ASAP2: variants seen among roughly 807,000 people sequenced by gnomAD.
ASAP2 encodes the protein ArfGAP with SH3 domain, ankyrin repeat and PH domain 2.
Under a neutral mutation model 131.4 loss-of-function variants are expected in ASAP2, and 45 were observed. That is an observed-to-expected ratio of 0.34 (90% confidence interval 0.27 to 0.44). The LOEUF (loss-of-function observed/expected upper bound fraction) is 0.44. Among genes scored for constraint, ASAP2 ranks in the 20% least tolerant of loss-of-function variants. The probability of loss-of-function intolerance (pLI) is 1.00; values close to 1 mark genes in which losing one functional copy is unlikely to be tolerated. For missense variants in ASAP2, 1,011 were observed against 1,297.0 expected (o/e 0.78, Z 3.39); for synonymous variants, 510 against 503.0 (o/e 1.01, Z -0.19).
intron 6 of ASAP2, among the ~76,000 whole-genome samples, chr2:9,327,535 A>G (rs1034281983): frequency 6.6e-6 from 1 of 152,182 alleles, no homozygotes; most frequent in African/African-American, 2.4e-5. Context: ...AACCATCCAT[A>G]GTCTTCCATG....
chr2:9,400,701 A>T, intron 25 of ASAP2, 41 bp from the exon 26 acceptor site: 1 of 1,534,436 alleles, frequency 6.5e-7, no homozygotes, highest in South Asian at 1.1e-5. Flanking sequence ...CATGGCTGTG[A>T]TTGATGGGAT....
chr2:9,228,479 T>TA (rs558877735), intron 1 of ASAP2, among the ~76,000 whole-genome samples: 2 of 152,204 alleles, frequency 1.3e-5, no homozygotes, highest in Non-Finnish European at 2.9e-5. Context: ...TATTTGGTCT[T>TA]TGGTCTCTTT....
rs558365417 is a variant in ASAP2 at position 9,243,397 on chromosome 2, C to T, written c.127-35920C>T. On this transcript the variant is annotated intron_variant, in intron 1 of 27. Transcript: ENST00000281419. ...TGCTGGGATTACAGGCATGAGCCACCGTGCCCGGCCTAAAGATTTTTTTTA... is the reference window on the plus strand; with the variant it reads ...TGCTGGGATTACAGGCATGAGCCACTGTGCCCGGCCTAAAGATTTTTTTTA... Among the ~76,000 whole-genome samples the T allele has an allele frequency of 5.3e-5, 8 of 152,282 alleles. No homozygotes were observed. The South Asian group carries it at 1.0e-3, about 20-fold the overall frequency.
chr2:9,391,814 A>C (rs1205216220), intron 23 of ASAP2, among the ~76,000 whole-genome samples: 1 of 148,774 alleles, frequency 6.7e-6, no homozygotes, highest in African/African-American at 2.5e-5. Context: ...CGAACTCCTG[A>C]CCTCAGGTGA....
At chr2:9,240,665 ACC>A (rs1663898600) in intron 1 of ASAP2, among the ~76,000 whole-genome samples, 1 of 152,024 alleles carries the variant, frequency 6.6e-6, no homozygotes, top group South Asian at 2.1e-4. Flanking sequence ...TTTCTTCTTT[ACC>A]ATTTCATGAA....
At chr2:9,304,496 G>C (rs1450462387) in intron 3 of ASAP2, among the ~76,000 whole-genome samples, 1 of 138,952 alleles carries the variant, frequency 7.2e-6, no homozygotes, top group East Asian at 2.2e-4. Flanking sequence ...TGTAGGGGGG[G>C]TGTAGATACA....
chr2:9,327,276 G>A (rs1354966421), intron 6 of ASAP2, among the ~76,000 whole-genome samples: 1 of 152,150 alleles, frequency 6.6e-6, no homozygotes, highest in Non-Finnish European at 1.5e-5. Flanking sequence ...TGGTTTTGTA[G>A]CTCCCTGAGG....
At chr2:9,273,685 C>T (rs948543355) in intron 1 of ASAP2, among the ~76,000 whole-genome samples, 1 of 152,014 alleles carries the variant, frequency 6.6e-6, no homozygotes, top group African/African-American at 2.4e-5. Context: ...TCAAAACTGT[C>T]GTTTTGTGTT....
intron 6 of ASAP2, among the ~76,000 whole-genome samples, 160 bp from the exon 7 acceptor site, chr2:9,327,666 A>G (rs2148530764): frequency 6.6e-6 from 1 of 152,312 alleles, no homozygotes; most frequent in African/African-American, 2.4e-5. Flanking sequence ...CAAAATAAAG[A>G]AACGGTTACG....
At chr2:9,378,263 C>T (rs1341658821) in intron 18 of ASAP2, among the ~76,000 whole-genome samples, 6 of 152,132 alleles carry the variant, frequency 3.9e-5, no homozygotes, top group Non-Finnish European at 7.4e-5. Context: ...TGACAGTGGC[C>T]ATGTTTGCTA....
At chr2:9,290,696 G>T (rs1032067593) in intron 2 of ASAP2, among the ~76,000 whole-genome samples, 3 of 152,220 alleles carry the variant, frequency 2.0e-5, no homozygotes, top group Non-Finnish European at 2.9e-5. Flanking sequence ...AGCCTGGCAG[G>T]ATCTCAGTAT....
At chr2:9,216,010 A>G (rs1661996284) in intron 1 of ASAP2, among the ~76,000 whole-genome samples, 1 of 152,134 alleles carries the variant, frequency 6.6e-6, no homozygotes, top group Admixed American at 6.6e-5. Flanking sequence ...TGAGTCCTGT[A>G]ATTAGGATTC....
chr2:9,375,235 A>G (rs1674308586), intron 17 of ASAP2, among the ~76,000 whole-genome samples: 1 of 151,886 alleles, frequency 6.6e-6, no homozygotes, highest in Non-Finnish European at 1.5e-5. Flanking sequence ...GTGAGCCGTG[A>G]TTGTGCCACT....
At chr2:9,245,726 C>T (rs551962333) in intron 1 of ASAP2, among the ~76,000 whole-genome samples, 13 of 152,222 alleles carry the variant, frequency 8.5e-5, no homozygotes, top group Admixed American at 3.3e-4. Flanking sequence ...TCCTTCCTCC[C>T]GTCTCTGCAG....
rs140228177 is a variant in ASAP2 at position 9,376,973 on chromosome 2, A to G, written c.1812A>G (p.Val604=). 2 of 1,614,006 alleles carry G rather than the reference A, an allele frequency of 1.2e-6. No homozygotes were observed. The highest frequency in any genetic ancestry group is 2.2e-5 in the East Asian group (1 of 44,876). The change falls in exon 18 of 28, where the codon GTA becomes GTG. Residue 604 remains valine, a synonymous_variant. Coordinates refer to ENST00000281419, the MANE Select transcript of ASAP2 (RefSeq NM_003887.3). ...RSVDRTSLHI[V]DFLVQNSGNL... is the part of the protein sequence containing the mutation. ...TGGATCGAACCTCTCTTCACATTGT[A>G]GACTTTTTAGTTCAGAACAGGTAGG... is the stretch of plus-strand genomic sequence containing the variant.
chr2:9,344,334 C>T (rs1020720811), intron 9 of ASAP2, among the ~76,000 whole-genome samples, 198 bp from the exon 10 acceptor site: 1 of 152,162 alleles, frequency 6.6e-6, no homozygotes, highest in Non-Finnish European at 1.5e-5. Flanking sequence ...TTTCCTTCTC[C>T]AGCCTGATAG....
At chr2:9,322,095 G>C (rs1670183024) in intron 5 of ASAP2, among the ~76,000 whole-genome samples, 1 of 152,192 alleles carries the variant, frequency 6.6e-6, no homozygotes, top group Non-Finnish European at 1.5e-5. Flanking sequence ...TAGTCCCAGG[G>C]ACCCTCCAGT....
At chr2:9,391,308 G>A (rs373982694) in intron 23 of ASAP2, 112 bp downstream of exon 23, 21 of 1,416,202 alleles carry the variant, frequency 1.5e-5, no homozygotes, top group South Asian at 5.5e-5. Context: ...CAAGTGCCCC[G>A]TGTTGTATGG....
At chr2:9,377,450 T>C (rs1471564655) in intron 18 of ASAP2, among the ~76,000 whole-genome samples, 2 of 152,214 alleles carry the variant, frequency 1.3e-5, no homozygotes, top group Non-Finnish European at 2.9e-5. Flanking sequence ...GTGTTTTGTT[T>C]GGGTCGAGAA....
Sources: allele counts gnomAD v4.1 joint callset (sites outside exome capture counted in the v4.1 genomes callset), GRCh38; gene constraint gnomAD v4.1.1; transcripts MANE v1.5; gene names NCBI Gene and HGNC (gene_info 2026-07-23, HGNC 2026-07-21).